The following ACACA variants were observed in gnomAD, a reference collection of about 807,000 sequenced individuals.
The protein encoded by ACACA is acetyl-CoA carboxylase 1.
Under a neutral mutation model 296.1 loss-of-function variants are expected in ACACA, and 103 were observed. The observed-to-expected ratio is 0.35, with a 90% CI of 0.30 to 0.41. The LOEUF (loss-of-function observed/expected upper bound fraction) is 0.41. Ranked by LOEUF, ACACA falls within the 10% of genes least tolerant of loss-of-function variation. The pLI is 1.00. For missense variants in ACACA, 1,554 were observed against 2,989.7 expected, an observed-to-expected ratio of 0.52 and a Z score of 11.20; for synonymous variants, 953 against 1,038.6, an observed-to-expected ratio of 0.92 and a Z score of 1.58.
chr17:37,176,725 T>C (rs1043192002), intron 41 of ACACA, among the ~76,000 whole-genome samples: 3 of 152,206 alleles, frequency 2.0e-5, no homozygotes, highest in African/African-American at 7.2e-5. Flanking sequence ...TGAAACTCCA[T>C]CCTTAGATTG....
chr17:37,117,153 A>C (rs1254389001), intron 50 of ACACA, among the ~76,000 whole-genome samples: 3 of 152,210 alleles, frequency 2.0e-5, no homozygotes, highest in African/African-American at 7.2e-5. Flanking sequence ...AGGGTGGCAG[A>C]GTGTTTCCAC....
At chr17:37,253,761 G>A (rs1348116767) in intron 14 of ACACA, among the ~76,000 whole-genome samples, 3 of 152,010 alleles carry the variant, frequency 2.0e-5, no homozygotes, top group African/African-American at 7.3e-5. Context: ...TTTATTTTAT[G>A]TATAATTTAC....
At chr17:37,238,012 T>A (rs1445703157) in intron 24 of ACACA, among the ~76,000 whole-genome samples, 2 of 152,198 alleles carry the variant, frequency 1.3e-5, no homozygotes, top group Non-Finnish European at 1.5e-5. Context: ...CTGCCGGCCT[T>A]GGCCTCCGAA....
intron 29 of ACACA, among the ~76,000 whole-genome samples, chr17:37,217,710 G>A (rs2079077289): frequency 7.2e-6 from 1 of 138,154 alleles, no homozygotes; most frequent in Admixed American, 7.4e-5. Flanking sequence ...ACTCCAGCCT[G>A]GGCGACAGAG....
At chr17:37,181,111 G>GC in intron 40 of ACACA, 90 bp downstream of exon 40, 2 of 1,393,200 alleles carry the variant, frequency 1.4e-6, no homozygotes, top group Non-Finnish European at 2.0e-6. Context: ...CCTTTGGAGT[G>GC]CCCCCTTCTA....
At chr17:37,095,030 C>T (rs2072900727) in intron 54 of ACACA, among the ~76,000 whole-genome samples, 2 of 152,342 alleles carry the variant, frequency 1.3e-5, no homozygotes, top group South Asian at 2.1e-4. Flanking sequence ...ACGCTCTGTC[C>T]GCTTGGGAGC....
intron 1 of ACACA, among the ~76,000 whole-genome samples, chr17:37,380,878 G>A (rs1252100475): frequency 6.6e-6 from 1 of 151,220 alleles, no homozygotes; most frequent in East Asian, 1.9e-4. Flanking sequence ...TTACAGGCGT[G>A]AGCCACCGTG....
chr17:37,095,551 C>T (rs2072934606), intron 54 of ACACA, among the ~76,000 whole-genome samples: 1 of 152,212 alleles, frequency 6.6e-6, no homozygotes, highest in Non-Finnish European at 1.5e-5. Context: ...TCAGGCAACA[C>T]TTTCTAGGCA....
intron 11 of ACACA, 98 bp from the exon 12 acceptor site, chr17:37,259,628 A>C: frequency 7.6e-7 from 1 of 1,322,064 alleles, no homozygotes; most frequent in South Asian, 1.2e-5. Flanking sequence ...TGTGTATAAG[A>C]GCCATCAAAA....
At position 37,192,311 on chromosome 17, in the gene ACACA, T is replaced by A; in HGVS notation, c.4201-6A>T. The A allele has an allele frequency of 6.2e-7, 1 of 1,613,110 alleles. No homozygotes were observed. The highest frequency in any genetic ancestry group is 8.5e-7 in the Non-Finnish European group (1 of 1,179,718). ...TAGATACGATCCTCCTCAAACTGAGTACAAGAATCAGAGAAAAAACAGCTC... is the reference window on the plus strand; with the variant it reads ...TAGATACGATCCTCCTCAAACTGAGAACAAGAATCAGAGAAAAAACAGCTC... On this transcript the variant is annotated splice_region_variant and splice_polypyrimidine_tract_variant and intron_variant, in intron 36 of 55. Coordinates refer to ENST00000616317, the MANE Select transcript of ACACA (RefSeq NM_198834.3).
chr17:37,355,584 G>A (rs911611665), intron 1 of ACACA, among the ~76,000 whole-genome samples: 26 of 151,474 alleles, frequency 1.7e-4, no homozygotes, highest in Admixed American at 1.3e-3. Flanking sequence ...AGCCAAGCAC[G>A]GTGGCTCACG....
At chr17:37,310,842 A>G (rs762774721) in intron 3 of ACACA, among the ~76,000 whole-genome samples, 1 of 151,660 alleles carries the variant, frequency 6.6e-6, no homozygotes, top group African/African-American at 2.4e-5. Flanking sequence ...AAGTAAAAAG[A>G]TAAGAAGGAC....
intron 45 of ACACA, among the ~76,000 whole-genome samples, chr17:37,149,493 T>C (rs889620651): frequency 1.3e-5 from 2 of 152,030 alleles, no homozygotes; most frequent in African/African-American, 2.4e-5. Flanking sequence ...TACTAATAGA[T>C]TAAGAAAAAG....
At chr17:37,349,158 T>G (rs1369586589) in intron 1 of ACACA, among the ~76,000 whole-genome samples, 1 of 150,474 alleles carries the variant, frequency 6.6e-6, no homozygotes, top group Non-Finnish European at 1.5e-5. Context: ...CCTCCCAGAC[T>G]CAAGCAATTA....
intron 52 of ACACA, among the ~76,000 whole-genome samples, chr17:37,103,888 C>T (rs888733063): frequency 6.6e-6 from 1 of 152,038 alleles, no homozygotes; most frequent in African/African-American, 2.4e-5. Context: ...GCATGCCCCC[C>T]AAAATTAGCC....
intron 24 of ACACA, among the ~76,000 whole-genome samples, chr17:37,237,109 C>A (rs1328784665): frequency 6.6e-6 from 1 of 152,044 alleles, no homozygotes; most frequent in East Asian, 1.9e-4. Context: ...GGTTTTTGAA[C>A]CTGAAAAAAA....
At chr17:37,234,518 G>A (rs2145846041) in intron 25 of ACACA, among the ~76,000 whole-genome samples, 1 of 151,998 alleles carries the variant, frequency 6.6e-6, no homozygotes, top group East Asian at 1.9e-4. Flanking sequence ...CAATGAAGAT[G>A]CAGAATACAT....
chr17:37,396,685 G>C (rs2051092433), intron 1 of ACACA, among the ~76,000 whole-genome samples: 1 of 152,158 alleles, frequency 6.6e-6, no homozygotes, highest in Admixed American at 6.5e-5. Context: ...TTCCAAGGAA[G>C]AGTTGCTGCA....
At chr17:37,333,651 C>T (rs977979318) in intron 2 of ACACA, among the ~76,000 whole-genome samples, 5 of 151,630 alleles carry the variant, frequency 3.3e-5, no homozygotes, top group Admixed American at 6.6e-5. Context: ...ATTGATAGCA[C>T]CCATCAGATG....
Sources: gnomAD v4.1 joint callset for allele counts (sites outside exome capture counted in the v4.1 genomes callset) on GRCh38, gnomAD v4.1.1 for gene constraint, MANE v1.5 for transcripts, NCBI Gene and HGNC (gene_info 2026-07-23, HGNC 2026-07-21) for gene names.